The following TAFA1 variants were observed in gnomAD, a reference collection of about 807,000 sequenced individuals.
The protein encoded by TAFA1 is chemokine-like protein TAFA-1.
A neutral mutation model predicts 18.5 loss-of-function variants in TAFA1; 4 were observed. That is an observed-to-expected ratio of 0.22 (90% CI 0.11 to 0.49). TAFA1 has a LOEUF of 0.49. TAFA1 is among the 20% of genes least tolerant of loss of function. TAFA1 has a pLI of 0.98. For missense variants in TAFA1, 147 were observed against 169.0 expected, an observed-to-expected ratio of 0.87 and a Z score of 0.72; for synonymous variants, 56 against 55.2, an observed-to-expected ratio of 1.01 and a Z score of -0.06.
intron 2 of TAFA1, among the ~76,000 whole-genome samples, chr3:68,130,564 C>T (rs969620810): frequency 3.9e-5 from 6 of 152,212 alleles, no homozygotes; most frequent in African/African-American, 1.2e-4. Flanking sequence ...TTTCTTACAA[C>T]CTTCTAAAAG....
chr3:68,197,249 C>T (rs528470889), intron 2 of TAFA1, among the ~76,000 whole-genome samples: 33 of 151,484 alleles, frequency 2.2e-4, no homozygotes, highest in Admixed American at 4.6e-4. Flanking sequence ...ATGATTTGCC[C>T]GTAAACAGAA....
At chr3:68,428,449 C>T (rs2071100408) in intron 3 of TAFA1, among the ~76,000 whole-genome samples, 1 of 151,874 alleles carries the variant, frequency 6.6e-6, no homozygotes, top group Non-Finnish European at 1.5e-5. Flanking sequence ...CCTTCGACCT[C>T]CTTAGCCTCC....
chr3:68,426,233 T>C (rs541003254), intron 3 of TAFA1, among the ~76,000 whole-genome samples: 1 of 151,990 alleles, frequency 6.6e-6, no homozygotes. Context: ...TGTATAAACC[T>C]AACAAAGAAA....
At chr3:68,236,162 A>G (rs2066924958) in intron 2 of TAFA1, among the ~76,000 whole-genome samples, 1 of 152,198 alleles carries the variant, frequency 6.6e-6, no homozygotes, top group East Asian at 1.9e-4. Flanking sequence ...CAAAAGCCTC[A>G]TATTCAAGTA....
At chr3:68,494,557 T>C (rs1419625193) in intron 3 of TAFA1, among the ~76,000 whole-genome samples, 1 of 152,216 alleles carries the variant, frequency 6.6e-6, no homozygotes, top group Non-Finnish European at 1.5e-5. Flanking sequence ...ACTTTCCTCC[T>C]GCCTATCATT....
chr3:68,151,959 A>T lies in TAFA1; in HGVS notation c.118+145215A>T, dbSNP rs116441340. On this transcript the variant is annotated intron_variant, in intron 2 of 4. Transcript: ENST00000478136. ...ATTCATGTAAATGAATTACCAATAG[A>T]CATCATTTAATGGAGTTTTACTACA... is the stretch of plus-strand genomic sequence containing the variant. Among the ~76,000 whole-genome samples, 1,096 of 152,288 alleles carry T rather than the reference A, an allele frequency of 7.2e-3. 15 individuals are homozygous for T. Among genetic ancestry groups the T allele is most frequent in the African/African-American group, 0.025 (1,052 of 41,564 alleles).
At chr3:68,022,799 T>C (rs1704718869) in intron 2 of TAFA1, among the ~76,000 whole-genome samples, 1 of 130,940 alleles carries the variant, frequency 7.6e-6, no homozygotes, top group South Asian at 2.3e-4. Flanking sequence ...CCTTCAATTA[T>C]GTATAAGATT....
chr3:68,101,046 A>G (rs2065141632), intron 2 of TAFA1, among the ~76,000 whole-genome samples: 1 of 152,124 alleles, frequency 6.6e-6, no homozygotes. Context: ...GTACACGTGC[A>G]GGTTTGTTAC....
At chr3:68,324,606 T>C (rs6549116) in intron 2 of TAFA1, among the ~76,000 whole-genome samples, 120,270 of 152,110 alleles carry the variant, frequency 0.79, 47,657 homozygotes, top group East Asian at 0.92. Context: ...CACAAGTATT[T>C]GGTTGGTGCA....
chr3:68,020,241 C>T (rs1390204958), intron 2 of TAFA1, among the ~76,000 whole-genome samples: 1 of 152,136 alleles, frequency 6.6e-6, no homozygotes, highest in Non-Finnish European at 1.5e-5. Flanking sequence ...GGTCTTTTAA[C>T]TGCCTTCACC....
chr3:68,534,399 A>G (rs1339641227), intron 3 of TAFA1, among the ~76,000 whole-genome samples: 3 of 152,140 alleles, frequency 2.0e-5, no homozygotes, highest in African/African-American at 7.2e-5. Context: ...GAATTTTTAT[A>G]TTTTGAATGA....
At chr3:68,495,998 C>CAAAAAA (rs199520960) in intron 3 of TAFA1, among the ~76,000 whole-genome samples, 263 of 107,470 alleles carry the variant, frequency 2.4e-3, no homozygotes, top group Non-Finnish European at 3.2e-3. Flanking sequence ...TTCCCTGAAG[C>CAAAAAA]AAAAAAAAAA....
At chr3:68,383,372 C>G (rs1298819203) in intron 2 of TAFA1, among the ~76,000 whole-genome samples, 34 of 152,016 alleles carry the variant, frequency 2.2e-4, no homozygotes, top group Admixed American at 2.2e-3. Context: ...AATACCTAGT[C>G]TATTGAGAGT....
intron 2 of TAFA1, among the ~76,000 whole-genome samples, chr3:68,215,172 C>A (rs1463764026): frequency 6.6e-6 from 1 of 151,936 alleles, no homozygotes; most frequent in Non-Finnish European, 1.5e-5. Flanking sequence ...ATAATAAGAA[C>A]AATAATAATA....
chr3:68,360,998 A>G (rs2069457533), intron 2 of TAFA1, among the ~76,000 whole-genome samples: 1 of 152,050 alleles, frequency 6.6e-6, no homozygotes, highest in Non-Finnish European at 1.5e-5. Context: ...GTTTTATGCT[A>G]AAGAAATAAT....
At chr3:68,134,863 G>T (rs2065587988) in intron 2 of TAFA1, among the ~76,000 whole-genome samples, 1 of 152,170 alleles carries the variant, frequency 6.6e-6, no homozygotes. Context: ...AGTTTCTGTT[G>T]AAACTAGTTT....
At chr3:68,344,057 G>C (rs1256467439) in intron 2 of TAFA1, among the ~76,000 whole-genome samples, 1 of 152,162 alleles carries the variant, frequency 6.6e-6, no homozygotes, top group Non-Finnish European at 1.5e-5. Flanking sequence ...TGATCAGGCT[G>C]ATCTTGAACT....
chr3:68,297,565 G>C (rs1319459974), intron 2 of TAFA1, among the ~76,000 whole-genome samples: 1 of 152,042 alleles, frequency 6.6e-6, no homozygotes, highest in Non-Finnish European at 1.5e-5. Context: ...ATAATGTCTG[G>C]GAACTATTGC....
rs143441261 is a variant in TAFA1, at chr3:68,426,337, CACATCCTT to C, written c.259+8921_259+8928del. Among the ~76,000 whole-genome samples, 1,014 of 151,892 alleles carry C rather than the reference CACATCCTT, an allele frequency of 6.7e-3. 16 individuals are homozygous for C. The highest frequency in any genetic ancestry group is 0.023 in the African/African-American group (940 of 41,490). ...GGAAATTATCCTTGTCATATTTCTA[CACATCCTT>C]ACAGAAAAATATTTGGGTACATGCA... On this transcript the variant is annotated intron_variant, in intron 3 of 4. Transcript: ENST00000478136.
Sources: allele counts gnomAD v4.1 joint callset (sites outside exome capture counted in the v4.1 genomes callset), GRCh38; gene constraint gnomAD v4.1.1; transcripts MANE v1.5; gene names NCBI Gene and HGNC (gene_info 2026-07-23, HGNC 2026-07-21).